The following VPS13B variants were observed in gnomAD, a reference collection of about 807,000 sequenced individuals.
VPS13B encodes intermembrane lipid transfer protein VPS13B.
A neutral mutation model predicts 426.4 loss-of-function variants in VPS13B; 285 were observed. The ratio of observed to expected loss-of-function variants is 0.67; its 90% CI spans 0.61 to 0.74. VPS13B has a LOEUF of 0.74. VPS13B is among the 30% of genes least tolerant of loss of function. VPS13B has a pLI of 0.00. For missense variants in VPS13B, 4,537 were observed against 4,782.6 expected, an observed-to-expected ratio of 0.95 and a Z score of 1.51; for synonymous variants, 1,676 against 1,676.4, an observed-to-expected ratio of 1.00 and a Z score of 0.01.
intron 61 of VPS13B, among the ~76,000 whole-genome samples, chr8:99,872,347 C>T (rs951132571): frequency 2.6e-5 from 4 of 152,218 alleles, no homozygotes; most frequent in Non-Finnish European, 4.4e-5. Flanking sequence ...TGGCTGTGTT[C>T]TCTTTCCCAC....
chr8:99,400,413 A>G (rs563066758), intron 21 of VPS13B, among the ~76,000 whole-genome samples: 82 of 152,390 alleles, frequency 5.4e-4, no homozygotes, highest in Admixed American at 2.1e-3. Flanking sequence ...TACAGAAAAC[A>G]TAAACTATTT....
chr8:99,018,149 G>T (rs1213747237), intron 2 of VPS13B, among the ~76,000 whole-genome samples: 1 of 152,164 alleles, frequency 6.6e-6, no homozygotes, highest in Non-Finnish European at 1.5e-5. Flanking sequence ...ACTTTGGGAG[G>T]CCAAGGTGGG....
intron 31 of VPS13B, among the ~76,000 whole-genome samples, chr8:99,568,539 C>T (rs534843802): frequency 1.3e-5 from 2 of 152,042 alleles, no homozygotes; most frequent in Non-Finnish European, 2.9e-5. Context: ...AATCCACCCA[C>T]CTCGGCCTCC....
In VPS13B at chr8:99,829,524, T is replaced by C. The variant is rs963617446; in HGVS notation, c.9331-2845T>C. Among the ~76,000 whole-genome samples the C allele has an allele frequency of 5.9e-5, 9 of 152,222 alleles. No individual in the cohort carries two copies. The South Asian group carries it at 6.2e-4, about 11-fold the overall frequency. ...CCTTTTATCGCGGTTCTTAGCTTCC[T>C]TGCATTGGGTTAGAGCATGATCCTT... On this transcript the variant is annotated intron_variant, in intron 51 of 61. Transcript: ENST00000357162.
intron 33 of VPS13B, among the ~76,000 whole-genome samples, chr8:99,600,970 G>A (rs1827267482): frequency 6.6e-6 from 1 of 151,878 alleles, no homozygotes; most frequent in African/African-American, 2.4e-5. Flanking sequence ...TCAAGGAGAA[G>A]CTTTTTATTT....
intron 51 of VPS13B, among the ~76,000 whole-genome samples, chr8:99,825,365 A>T (rs1814617653): frequency 6.6e-6 from 1 of 152,106 alleles, no homozygotes; most frequent in Admixed American, 6.5e-5. Flanking sequence ...GACCACGTAA[A>T]TGTCTTCTTT....
At chr8:99,390,921 A>G (rs1814408346) in intron 20 of VPS13B, among the ~76,000 whole-genome samples, 1 of 152,202 alleles carries the variant, frequency 6.6e-6, no homozygotes, top group African/African-American at 2.4e-5. Context: ...CTCAGCCCTC[A>G]TGCATTCAAT....
chr8:99,118,659 G>T (rs1847793384), intron 7 of VPS13B, among the ~76,000 whole-genome samples: 1 of 152,016 alleles, frequency 6.6e-6, no homozygotes, highest in African/African-American at 2.4e-5. Flanking sequence ...TGTATAAAAG[G>T]CTTCTTTCAT....
At chr8:99,091,715 A>G (rs1320752106) in intron 3 of VPS13B, 3 of 152,170 alleles carry the variant, frequency 2.0e-5, no homozygotes, top group Admixed American at 6.6e-5. Context: ...TGAAGTGTGC[A>G]GTATTACTCT....
chr8:99,384,240 G>A lies in VPS13B; in HGVS notation c.2857G>A (p.Ala953Thr). 3 of 1,613,960 alleles carry A rather than the reference G, an allele frequency of 1.9e-6. No homozygotes were observed. Among genetic ancestry groups the A allele is most frequent in the South Asian group, 2.2e-5 (2 of 91,084 alleles). Residue 953 changes from alanine (A) to threonine (T), a missense_variant, in exon 20 of 62, where the codon GCA becomes ACA. Physicochemically the swap from Ala to Thr is moderately conservative, Grantham distance 58 (BLOSUM62 0). Coordinates refer to ENST00000357162, the MANE Select transcript of VPS13B (RefSeq NM_152564.5). ...AVLLCSIQGLAVNIDPILYTW... is the reference protein window; with the variant it reads ...AVLLCSIQGLTVNIDPILYTW... ...ACTTCTTTGCAGTATACAAGGACTAGCAGTTAATATTGACCCAATCTTATA... is the reference window on the plus strand; with the variant it reads ...ACTTCTTTGCAGTATACAAGGACTAACAGTTAATATTGACCCAATCTTATA...
chr8:99,432,808 C>G (rs913530341), intron 22 of VPS13B, among the ~76,000 whole-genome samples: 1 of 152,044 alleles, frequency 6.6e-6, no homozygotes, highest in South Asian at 2.1e-4. Flanking sequence ...ATAATATCTT[C>G]TTCATGAAGA....
chr8:99,366,223 GTCTA>G (rs1812880179), intron 19 of VPS13B, among the ~76,000 whole-genome samples: 2 of 151,942 alleles, frequency 1.3e-5, no homozygotes, highest in Admixed American at 6.6e-5. Context: ...TTGTGTTGGG[GTCTA>G]TCTTTCTAGC....
intron 19 of VPS13B, among the ~76,000 whole-genome samples, chr8:99,314,050 T>C (rs1278065110): frequency 6.6e-6 from 1 of 152,160 alleles, no homozygotes; most frequent in Non-Finnish European, 1.5e-5. Context: ...GTCCTGATTT[T>C]CCAGGTGCCG....
At chr8:99,080,068 ATT>A (rs1362851822) in intron 3 of VPS13B, among the ~76,000 whole-genome samples, 1 of 150,724 alleles carries the variant, frequency 6.6e-6, no homozygotes, top group African/African-American at 2.4e-5. Context: ...TATCATATAA[ATT>A]ATATATAACA....
chr8:99,562,922 A>G (rs773627475), intron 31 of VPS13B, among the ~76,000 whole-genome samples: 4 of 152,178 alleles, frequency 2.6e-5, no homozygotes, highest in Non-Finnish European at 5.9e-5. Flanking sequence ...TGAGAGGCCA[A>G]AGCGGGAGGA....
chr8:99,350,722 A>G (rs1240662793), intron 19 of VPS13B, among the ~76,000 whole-genome samples: 1 of 152,166 alleles, frequency 6.6e-6, no homozygotes. Context: ...GGATTTGTAA[A>G]GTGAAACTGT....
chr8:99,565,055 AG>A (rs1272200480), intron 31 of VPS13B, among the ~76,000 whole-genome samples: 7 of 152,172 alleles, frequency 4.6e-5, no homozygotes, highest in African/African-American at 1.4e-4. Context: ...CTAGTGCTTT[AG>A]GGGGAGGTGG....
chr8:99,067,419 C>T (rs990500998), intron 3 of VPS13B, among the ~76,000 whole-genome samples: 1 of 152,312 alleles, frequency 6.6e-6, no homozygotes, highest in East Asian at 1.9e-4. Context: ...CGCATGATCT[C>T]ACTCATAGGT....
At chr8:99,234,282 C>T (rs1235095212) in intron 17 of VPS13B, 3 of 764,098 alleles carry the variant, frequency 3.9e-6, no homozygotes, top group Non-Finnish European at 7.4e-6. Context: ...ACAGCAGTTT[C>T]TGTGTCTGTG....
Sources: gnomAD v4.1 joint callset for allele counts (sites outside exome capture counted in the v4.1 genomes callset) on GRCh38, gnomAD v4.1.1 for gene constraint, MANE v1.5 for transcripts, NCBI Gene and HGNC (gene_info 2026-07-23, HGNC 2026-07-21) for gene names.